Variants in MAGI1 observed in about 807,000 individuals in gnomAD.
MAGI1 encodes membrane associated guanylate kinase, WW and PDZ domain containing 1.
MAGI1 carries 58 observed loss-of-function variants against 139.9 expected under a neutral mutation model. The observed-to-expected ratio is 0.41, with a 90% confidence interval of 0.34 to 0.52. The LOEUF (loss-of-function observed/expected upper bound fraction) is 0.52, where lower values mean the gene tolerates loss of function less well. Ranked by LOEUF, MAGI1 falls within the 20% of genes least tolerant of loss-of-function variation. The pLI is 0.12. For synonymous variants in MAGI1, 812 were observed against 737.9 expected (o/e 1.10, Z -1.63); for missense variants, 1,874 against 1,901.6 (o/e 0.99, Z 0.27).
chr3:65,997,677 T>C (rs1349196359), intron 1 of MAGI1, among the ~76,000 whole-genome samples: 1 of 150,960 alleles, frequency 6.6e-6, no homozygotes, highest in Non-Finnish European at 1.5e-5. Flanking sequence ...ATCATATCCA[T>C]GATGAAATTT....
At position 65,364,863 on chromosome 3, in the gene MAGI1, G is replaced by C; in HGVS notation, c.3280C>G (p.Gln1094Glu). ...CCAGTCATGTCTGACCTTGTCTCCT[G>C]GGTCCCTTGCTGAGAAGGGGTGTGT... ...TTHTPSQQGT[Q>E]ETRNTTKPKQ... is the part of the protein sequence containing the mutation. Residue 1094 changes from glutamine (Q) to glutamate (E), a missense_variant, in exon 19 of 23, where the codon CAG becomes GAG. Transcript: ENST00000402939. 1 of 1,614,020 alleles carries C rather than the reference G, an allele frequency of 6.2e-7. No individual in the cohort carries two copies.
chr3:65,569,754 G>A (rs1002630193), intron 2 of MAGI1, among the ~76,000 whole-genome samples: 1 of 151,906 alleles, frequency 6.6e-6, no homozygotes, highest in Non-Finnish European at 1.5e-5. Flanking sequence ...GCATGCGCCT[G>A]TAGTCCCTTC....
intron 12 of MAGI1, among the ~76,000 whole-genome samples, chr3:65,421,020 C>T (rs1010282822): frequency 2.0e-5 from 3 of 151,992 alleles, no homozygotes; most frequent in Admixed American, 6.6e-5. Context: ...ATCAAAAATC[C>T]GTAAAGAAAC....
intron 5 of MAGI1, among the ~76,000 whole-genome samples, chr3:65,464,581 T>G (rs139416222): frequency 1.4e-4 from 22 of 152,178 alleles, no homozygotes; most frequent in African/African-American, 5.3e-4. Flanking sequence ...CATTAATATG[T>G]CAACTCTTGC....
At chr3:65,811,280 G>A (rs2041217393) in intron 1 of MAGI1, among the ~76,000 whole-genome samples, 1 of 152,194 alleles carries the variant, frequency 6.6e-6, no homozygotes, top group Non-Finnish European at 1.5e-5. Flanking sequence ...AACAATGAAA[G>A]ACTATATTCA....
intron 1 of MAGI1, among the ~76,000 whole-genome samples, chr3:65,753,010 C>T (rs1291078727): frequency 2.0e-5 from 3 of 152,188 alleles, no homozygotes; most frequent in Non-Finnish European, 4.4e-5. Context: ...CCTATTACAG[C>T]AGTCCTCAGT....
chr3:65,661,664 A>G (rs1225691205), intron 1 of MAGI1, among the ~76,000 whole-genome samples: 2 of 151,976 alleles, frequency 1.3e-5, no homozygotes, highest in Non-Finnish European at 2.9e-5. Flanking sequence ...TCATAGCATG[A>G]CACCTGGCAC....
chr3:65,988,508 C>A (rs1238737347), intron 1 of MAGI1, among the ~76,000 whole-genome samples: 1 of 152,144 alleles, frequency 6.6e-6, no homozygotes, highest in African/African-American at 2.4e-5. Context: ...AGGAATCTAC[C>A]TACAAATGAG....
chr3:65,435,665 T>G (rs891646831), intron 10 of MAGI1, among the ~76,000 whole-genome samples: 2 of 152,198 alleles, frequency 1.3e-5, no homozygotes, highest in African/African-American at 2.4e-5. Flanking sequence ...AAACTATTGT[T>G]AAATAATAGC....
intron 2 of MAGI1, among the ~76,000 whole-genome samples, chr3:65,582,093 T>C (rs2081455271): frequency 6.6e-6 from 1 of 152,222 alleles, no homozygotes; most frequent in African/African-American, 2.4e-5. Context: ...CAGTCCTCTC[T>C]AGCTCATAAA....
At chr3:66,028,205 G>C (rs2068399493) in intron 1 of MAGI1, among the ~76,000 whole-genome samples, 1 of 152,182 alleles carries the variant, frequency 6.6e-6, no homozygotes, top group African/African-American at 2.4e-5. Context: ...AGGAGGCTGA[G>C]GTAGGAGGAT....
At chr3:65,642,474 A>G (rs931629866) in intron 1 of MAGI1, among the ~76,000 whole-genome samples, 2 of 152,188 alleles carry the variant, frequency 1.3e-5, no homozygotes, top group African/African-American at 4.8e-5. Flanking sequence ...GCAGAAAACC[A>G]TCTTCTTCAA....
At chr3:65,874,773 G>T (rs2060055908) in intron 1 of MAGI1, 1 of 152,316 alleles carries the variant, frequency 6.6e-6, no homozygotes, top group East Asian at 1.9e-4. Flanking sequence ...CAAGAGAAAT[G>T]AAAACATATG....
At chr3:65,507,235 A>G (rs2077330140) in intron 2 of MAGI1, among the ~76,000 whole-genome samples, 1 of 152,242 alleles carries the variant, frequency 6.6e-6, no homozygotes, top group South Asian at 2.1e-4. Flanking sequence ...AAGCAGGTCT[A>G]CAGAGTAAGT....
chr3:65,456,780 T>C (rs1406517276), intron 5 of MAGI1, among the ~76,000 whole-genome samples: 1 of 152,200 alleles, frequency 6.6e-6, no homozygotes, highest in Non-Finnish European at 1.5e-5. Flanking sequence ...AAAGGCTATC[T>C]GCCCTCCATT....
chr3:65,366,156 A>C (rs1941397672), intron 18 of MAGI1, among the ~76,000 whole-genome samples: 1 of 152,196 alleles, frequency 6.6e-6, no homozygotes, highest in African/African-American at 2.4e-5. Flanking sequence ...TCTCATGGAT[A>C]AAAGTATATG....
chr3:65,653,158 A>T (rs1431233852), intron 1 of MAGI1, among the ~76,000 whole-genome samples: 4 of 152,122 alleles, frequency 2.6e-5, no homozygotes, highest in African/African-American at 9.6e-5. Context: ...ACCTTCTTGG[A>T]CCACAAAGTC....
At chr3:65,457,365 A>C (rs1949469465) in intron 5 of MAGI1, among the ~76,000 whole-genome samples, 1 of 152,148 alleles carries the variant, frequency 6.6e-6, no homozygotes, top group African/African-American at 2.4e-5. Flanking sequence ...TTAATGTATC[A>C]CACAGCCTGT....
rs138542151 is a variant in MAGI1 at position 66,001,146 on chromosome 3, G to A, written c.313+36850C>T. ...CAGGGTGCCCAGAGAAGGCCCCTAA[G>A]TATTTGGGGGTGGAGGATCTCAAGG... On this transcript the variant is annotated intron_variant, in intron 1 of 22. Transcript: ENST00000402939. 8.5e-3 allele frequency among the ~76,000 whole-genome samples: 1,300 copies of A among 152,222 alleles called. 15 individuals are homozygous for A. The highest frequency in any genetic ancestry group is 0.03 in the African/African-American group (1,245 of 41,518).
Sources: allele counts gnomAD v4.1 joint callset (sites outside exome capture counted in the v4.1 genomes callset), GRCh38; gene constraint gnomAD v4.1.1; transcripts MANE v1.5; gene names NCBI Gene and HGNC (gene_info 2026-07-23, HGNC 2026-07-21).